SLC35E2B: variants seen among roughly 807,000 people sequenced by gnomAD.
SLC35E2B encodes solute carrier family 35, member E2B.
Under a neutral mutation model 32.4 loss-of-function variants are expected in SLC35E2B, and 18 were observed. The observed-to-expected ratio is 0.56, with a 90% confidence interval of 0.38 to 0.82. The LOEUF is 0.82. Ranked by LOEUF, SLC35E2B falls within the 40% of genes least tolerant of loss-of-function variation. The pLI, the probability that SLC35E2B is intolerant of heterozygous loss-of-function variation, is 0.00. For missense variants in SLC35E2B, 263 were observed against 469.5 expected, an observed-to-expected ratio of 0.56 and a Z score of 4.06; for synonymous variants, 132 against 209.1, an observed-to-expected ratio of 0.63 and a Z score of 3.18.
chr1:1,671,884 A>T, intron 5 of SLC35E2B: 1 of 316,368 alleles, frequency 3.2e-6, no homozygotes, highest in South Asian at 6.5e-5. Context: ...AGCCCCAGCC[A>T]TGGGCAGGTG....
rs1331566721 is a variant in SLC35E2B at position 1,671,535 on chromosome 1, G to A, written c.681C>T (p.Ala227=). The A allele has an allele frequency of 1.6e-5, 24 of 1,548,332 alleles. No individual in the cohort carries two copies. Among genetic ancestry groups the A allele is most frequent in the Non-Finnish European group, 1.8e-5 (21 of 1,145,618 alleles). ...AGTCCATGATGTTGGTGGACAGTGC[G>A]GCCGAGAACCCCAGGACATTGAAGC... ...EISFNVLGFS[A]ALSTNIMDCL... The change falls in exon 6 of 10, where the codon GCC becomes GCT. Residue 227 remains alanine, a synonymous_variant. Coordinates refer to ENST00000617444, the MANE Select transcript of SLC35E2B (RefSeq NM_001290264.2).
intron 9 of SLC35E2B, among the ~76,000 whole-genome samples, chr1:1,666,592 A>G (rs533090699): frequency 6.6e-6 from 1 of 152,316 alleles, no homozygotes; most frequent in East Asian, 1.9e-4. Flanking sequence ...CCTGCTCTCT[A>G]AAGAACAAGA....
chr1:1,689,426 A>G (rs1269475814), intron 2 of SLC35E2B, among the ~76,000 whole-genome samples: 1 of 151,632 alleles, frequency 6.6e-6, no homozygotes, highest in African/African-American at 2.4e-5. Context: ...CCTCTGGGGA[A>G]GGTGCTGTTA....
At chr1:1,673,949 C>G (rs1643772605) in intron 5 of SLC35E2B, 1 of 133,132 alleles carries the variant, frequency 7.5e-6, no homozygotes, top group African/African-American at 2.9e-5. Flanking sequence ...GGCGAGAGAG[C>G]AAGACTCCTC....
At chr1:1,669,781 C>G in intron 7 of SLC35E2B, 45 bp from the exon 8 acceptor site, 1 of 1,535,780 alleles carries the variant, frequency 6.5e-7, no homozygotes, top group Non-Finnish European at 8.8e-7. Flanking sequence ...CGGGACAGGC[C>G]GAGTTCACAC....
intron 2 of SLC35E2B, among the ~76,000 whole-genome samples, chr1:1,684,375 T>G (rs1229685673): frequency 1.3e-5 from 2 of 152,162 alleles, no homozygotes; most frequent in Admixed American, 6.6e-5. Context: ...CTGAAGGCGT[T>G]TGCTTTCCCA....
In SLC35E2B at chr1:1,671,502, G is replaced by T; in HGVS notation, c.707+7C>A. ...TCCCCCTCACGCCCACCTTCTCTGT[G>T]ACTCACCAGTCCATGATGTTGGTGG... On this transcript the variant is annotated splice_region_variant and intron_variant, in intron 6 of 9. Transcript: ENST00000617444. 1 of 1,512,056 alleles carries T rather than the reference G, an allele frequency of 6.6e-7. No individual in the cohort carries two copies. Among genetic ancestry groups the T allele is most frequent in the South Asian group, 1.3e-5 (1 of 79,112 alleles). 93.7% of individuals were successfully genotyped at this position (1,512,056 alleles called of 1,614,324 possible).
chr1:1,669,199 C>T (rs1643621077), intron 8 of SLC35E2B, among the ~76,000 whole-genome samples: 1 of 151,298 alleles, frequency 6.6e-6, no homozygotes, highest in African/African-American at 2.4e-5. Flanking sequence ...CACAGAGAAC[C>T]CTCTGTGTGG....
rs1328002785 is a variant in SLC35E2B at position 1,671,625 on chromosome 1, C to T, written c.591G>A (p.Leu197=). The T allele has an allele frequency of 6.5e-6, 10 of 1,543,438 alleles. No homozygotes were observed. The change falls in exon 6 of 10, where the codon CTG becomes CTA. Residue 197 remains leucine, a synonymous_variant. Coordinates refer to ENST00000617444, the MANE Select transcript of SLC35E2B (RefSeq NM_001290264.2). ...CTGGGATGAGGGAGAGGTTGACCAG[C>T]AGCCCTGGCGAGAGGACAGCCCCTG... The part of the protein sequence containing the change: ...SRMILGEYTG[L]LVNLSLIPVM...
At chr1:1,666,616 C>T (rs1643551904) in intron 9 of SLC35E2B, among the ~76,000 whole-genome samples, 1 of 152,190 alleles carries the variant, frequency 6.6e-6, no homozygotes, top group Non-Finnish European at 1.5e-5. Flanking sequence ...TCACCGGGCG[C>T]AGCGGCTTAG....
At chr1:1,669,257 G>T (rs1021371104) in intron 8 of SLC35E2B, among the ~76,000 whole-genome samples, 4 of 151,996 alleles carry the variant, frequency 2.6e-5, no homozygotes, top group African/African-American at 9.7e-5. Flanking sequence ...TACTTGGGAA[G>T]CTGAGGCAGG....
At position 1,675,070 on chromosome 1, in the gene SLC35E2B, C is replaced by T. The variant is rs1356950813; in HGVS notation, c.586+393G>A. On this transcript the variant is annotated intron_variant, in intron 5 of 9. Coordinates refer to ENST00000617444, the MANE Select transcript of SLC35E2B (RefSeq NM_001290264.2). The stretch of plus-strand genomic sequence containing the variant: ...CTGGAGAGGCTGTGGGGTGCTGGCA[C>T]AGGAGGGCCCACGGACCAGGAGCCA... Among the ~76,000 whole-genome samples, 2 of 151,664 alleles carry T rather than the reference C, an allele frequency of 1.3e-5. 1 individual carries two copies. The highest frequency in any genetic ancestry group is 6.3e-3 in the Middle Eastern group (2 of 316).
chr1:1,690,307 A>AAAAT (rs1553172032), intron 2 of SLC35E2B, among the ~76,000 whole-genome samples: 5 of 100,548 alleles, frequency 5.0e-5, no homozygotes, highest in African/African-American at 1.7e-4. Flanking sequence ...AACAAAAAAA[A>AAAAT]ATATATATAT....
At chr1:1,674,508 C>G (rs1643789156) in intron 5 of SLC35E2B, 1 of 151,708 alleles carries the variant, frequency 6.6e-6, no homozygotes, top group Non-Finnish European at 1.5e-5. Context: ...TCCCAGCTAC[C>G]CAACAGGCTG....
chr1:1,687,230 C>G (rs1221921899), intron 2 of SLC35E2B, among the ~76,000 whole-genome samples: 1 of 152,176 alleles, frequency 6.6e-6, no homozygotes, highest in Non-Finnish European at 1.5e-5. Flanking sequence ...CAGAGACAGT[C>G]ACACCTGCAC....
intron 2 of SLC35E2B, among the ~76,000 whole-genome samples, chr1:1,687,401 A>G (rs994009151): frequency 4.6e-5 from 7 of 151,862 alleles, no homozygotes; most frequent in African/African-American, 1.7e-4. Context: ...ATGTGGCGAA[A>G]CCCTGTCTCT....
Position 1,676,386 on chromosome 1 carries a change from C to G in SLC35E2B, c.314G>C (p.Ser105Thr). The change falls in exon 3 of 10, where the codon AGC becomes ACC. Residue 105 changes from serine to threonine, a missense_variant. This residue lies in a region of SLC35E2B where 3 missense variants were observed against 51.3 expected (regional missense o/e 0.06). Transcript: ENST00000617444. ...YILSLLGGEP[S>T]MLGAVQMLST... The stretch of plus-strand genomic sequence containing the variant: ...CCCGAGCCGCCGCCTACCTAGCATG[C>G]TGGGCTCGCCTCCCAGCAGGGACAG... 1 of 616,958 alleles carries G rather than the reference C, an allele frequency of 1.6e-6. No individual in the cohort carries two copies. The highest frequency in any genetic ancestry group is 2.7e-5 in the East Asian group (1 of 36,934). 38.2% of individuals were successfully genotyped at this position (616,958 alleles called of 1,614,324 possible).
At chr1:1,670,067 CT>C (rs1643646868) in intron 7 of SLC35E2B, 30 bp downstream of exon 7, 1 of 1,533,126 alleles carries the variant, frequency 6.5e-7, no homozygotes, top group Non-Finnish European at 8.9e-7. Context: ...CGTCTTATGA[CT>C]TGGAGATTTC....
intron 9 of SLC35E2B, among the ~76,000 whole-genome samples, chr1:1,666,892 G>T (rs1643561163): frequency 6.6e-6 from 1 of 151,792 alleles, no homozygotes. Context: ...GATCGCCTGA[G>T]GTCAGGAGTT....
Sources: gnomAD v4.1 joint callset for allele counts (sites outside exome capture counted in the v4.1 genomes callset) on GRCh38, gnomAD v4.1.1 for gene constraint, gnomAD v4.1.1 regional missense constraint, MANE v1.5 for transcripts, NCBI Gene and HGNC (gene_info 2026-07-23, HGNC 2026-07-21) for gene names.